CAMKMT: variants seen among roughly 807,000 people sequenced by gnomAD.
The protein encoded by CAMKMT is calmodulin-lysine N-methyltransferase, also known as CaM KMT.
Under a neutral mutation model 48.0 loss-of-function variants are expected in CAMKMT, and 53 were observed. That is an observed-to-expected ratio of 1.10 (90% confidence interval 0.89 to 1.39). The LOEUF is 1.39. CAMKMT is among the 40% of genes most tolerant of loss of function. CAMKMT has a pLI of 0.00. For synonymous variants in CAMKMT, 165 were observed against 152.3 expected (o/e 1.08, Z -0.61); for missense variants, 428 against 402.7 (o/e 1.06, Z -0.54).
chr2:44,567,575 C>T (rs1409584652), intron 3 of CAMKMT, among the ~76,000 whole-genome samples: 1 of 152,018 alleles, frequency 6.6e-6, no homozygotes, highest in Non-Finnish European at 1.5e-5. Context: ...AAGTAGGGTC[C>T]CATTTGGAGG....
At chr2:44,503,338 T>C (rs988333508) in intron 3 of CAMKMT, among the ~76,000 whole-genome samples, 6 of 152,070 alleles carry the variant, frequency 3.9e-5, no homozygotes, top group South Asian at 2.1e-4. Flanking sequence ...GTAAAGAGGA[T>C]AGAATATAAG....
At chr2:44,755,375 C>G (rs1049252867) in intron 9 of CAMKMT, among the ~76,000 whole-genome samples, 1 of 152,142 alleles carries the variant, frequency 6.6e-6, no homozygotes, top group Non-Finnish European at 1.5e-5. Context: ...AGCATCCCCC[C>G]ACCCCTGTCG....
intron 3 of CAMKMT, among the ~76,000 whole-genome samples, chr2:44,424,428 A>C (rs1349896107): frequency 6.6e-6 from 1 of 152,150 alleles, no homozygotes; most frequent in Non-Finnish European, 1.5e-5. Context: ...AGTGGGGGCT[A>C]TGTGACTGAG....
At chr2:44,562,443 C>T (rs1668371371) in intron 3 of CAMKMT, among the ~76,000 whole-genome samples, 1 of 152,180 alleles carries the variant, frequency 6.6e-6, no homozygotes, top group Admixed American at 6.5e-5. Flanking sequence ...ATTTAATTCA[C>T]ACAACATCCC....
At chr2:44,685,539 C>T (rs929612953) in intron 3 of CAMKMT, among the ~76,000 whole-genome samples, 3 of 152,130 alleles carry the variant, frequency 2.0e-5, no homozygotes, top group Non-Finnish European at 2.9e-5. Context: ...CAGTACAAAG[C>T]TTATGAATCT....
chr2:44,401,675 T>A (rs1682388598), intron 3 of CAMKMT, among the ~76,000 whole-genome samples: 1 of 152,246 alleles, frequency 6.6e-6, no homozygotes, highest in African/African-American at 2.4e-5. Flanking sequence ...TAAATATGAA[T>A]TTAATGGCTT....
At chr2:44,471,695 C>G (rs1275590127) in intron 3 of CAMKMT, among the ~76,000 whole-genome samples, 1 of 151,940 alleles carries the variant, frequency 6.6e-6, no homozygotes, top group African/African-American at 2.4e-5. Context: ...TGAGTTGAGT[C>G]AAATCACTCT....
At chr2:44,450,593 T>C (rs1667240528) in intron 3 of CAMKMT, among the ~76,000 whole-genome samples, 1 of 152,162 alleles carries the variant, frequency 6.6e-6, no homozygotes, top group African/African-American at 2.4e-5. Flanking sequence ...CCATATATTT[T>C]CATATACAGT....
intron 8 of CAMKMT, among the ~76,000 whole-genome samples, chr2:44,749,573 A>AGTAG (rs1680068540): frequency 6.6e-6 from 1 of 152,192 alleles, no homozygotes; most frequent in African/African-American, 2.4e-5. Context: ...CCCTTAGTAT[A>AGTAG]TAGTAGATGC....
At chr2:44,624,702 C>G (rs58761794) in intron 3 of CAMKMT, among the ~76,000 whole-genome samples, 6,184 of 152,240 alleles carry the variant, frequency 0.041, 350 homozygotes, top group African/African-American at 0.13. Context: ...ATATGTGCCA[C>G]ATTTTCTTAA....
chr2:44,542,776 C>A (rs1239847469), intron 3 of CAMKMT, among the ~76,000 whole-genome samples: 1 of 152,034 alleles, frequency 6.6e-6, no homozygotes, highest in Non-Finnish European at 1.5e-5. Flanking sequence ...CTCAGGATAG[C>A]AGTTATGGGG....
intron 3 of CAMKMT, among the ~76,000 whole-genome samples, chr2:44,401,328 G>A (rs977708542): frequency 3.3e-5 from 5 of 152,180 alleles, no homozygotes; most frequent in African/African-American, 1.2e-4. Flanking sequence ...GAGGTGAGGC[G>A]GGTGGATCAC....
intron 3 of CAMKMT, among the ~76,000 whole-genome samples, chr2:44,522,996 C>T (rs1439894697): frequency 4.6e-5 from 7 of 152,144 alleles, no homozygotes; most frequent in African/African-American, 1.7e-4. Context: ...GTTCCAGTAA[C>T]ATCTTTGTTA....
chr2:44,673,516 AG>A (rs1252480577), intron 3 of CAMKMT, among the ~76,000 whole-genome samples: 2 of 105,266 alleles, frequency 1.9e-5, no homozygotes, highest in East Asian at 2.4e-4. Flanking sequence ...GAAGGAAGGA[AG>A]GAAGGAGGGA....
chr2:44,412,043 G>A (rs985041033), intron 3 of CAMKMT, among the ~76,000 whole-genome samples: 4 of 111,346 alleles, frequency 3.6e-5, no homozygotes, highest in East Asian at 2.8e-4. Context: ...TGAATCCTCC[G>A]TAATTCTTCA....
chr2:44,471,944 G>C (rs112730300), intron 3 of CAMKMT, among the ~76,000 whole-genome samples: 1 of 152,080 alleles, frequency 6.6e-6, no homozygotes, highest in Non-Finnish European at 1.5e-5. Flanking sequence ...GGCTCCCAAA[G>C]TGCTGGGATT....
chr2:44,520,814 G>C (rs1024901346), intron 3 of CAMKMT, among the ~76,000 whole-genome samples: 1 of 152,090 alleles, frequency 6.6e-6, no homozygotes, highest in Non-Finnish European at 1.5e-5. Context: ...TGCTATTCTC[G>C]TGATAATGAG....
rs540136773 is a variant in CAMKMT at position 44,523,364 on chromosome 2, C to G, written c.376+133059C>G. ...GTATAGTGCAATGGTGCAATCTTGG[C>G]TCACTGCAATCTCTGCCTCCCAGGT... is the stretch of plus-strand genomic sequence containing the variant. On this transcript the variant is annotated intron_variant, in intron 3 of 10. Transcript: ENST00000378494. 2.8e-3 allele frequency among the ~76,000 whole-genome samples: 416 copies of G among 149,360 alleles called. 5 individuals are homozygous for G. The highest frequency in any genetic ancestry group is 9.8e-3 in the African/African-American group (397 of 40,314).
intron 7 of CAMKMT, among the ~76,000 whole-genome samples, chr2:44,728,698 G>A (rs1484203533): frequency 6.6e-6 from 1 of 152,088 alleles, no homozygotes; most frequent in Non-Finnish European, 1.5e-5. Flanking sequence ...TAATTTGTAT[G>A]CATAGAGTTG....
Sources: allele counts gnomAD v4.1 joint callset (sites outside exome capture counted in the v4.1 genomes callset), GRCh38; gene constraint gnomAD v4.1.1; transcripts MANE v1.5; gene names NCBI Gene and HGNC (gene_info 2026-07-23, HGNC 2026-07-21).